The following JAM2 variants were observed in gnomAD, a reference collection of about 807,000 sequenced individuals.
The protein encoded by JAM2 is junctional adhesion molecule B.
In JAM2, 17 loss-of-function variants were observed where a neutral mutation model predicts 42.0. The ratio of observed to expected loss-of-function variants is 0.40; its 90% CI spans 0.28 to 0.61. JAM2 has a LOEUF of 0.61. Among genes scored for constraint, JAM2 ranks in the 20% least tolerant of loss-of-function variants. JAM2 has a pLI of 0.37. For missense variants in JAM2, 319 were observed against 358.3 expected, an observed-to-expected ratio of 0.89 and a Z score of 0.89; for synonymous variants, 118 against 128.6, an observed-to-expected ratio of 0.92 and a Z score of 0.56.
intron 6 of JAM2, among the ~76,000 whole-genome samples, chr21:25,704,988 G>T (rs1056238803): frequency 6.6e-6 from 1 of 152,202 alleles, no homozygotes; most frequent in African/African-American, 2.4e-5. Context: ...CTTCACAGTA[G>T]TTATTTCCAA....
In JAM2 at chr21:25,693,837, G is replaced by C; in HGVS notation, c.323G>C (p.Arg108Pro). The change falls in exon 4 of 10, where the codon CGT (arginine) becomes CCT (proline). Residue 108 changes from arginine (R) to proline (P), a missense_variant. Transcript: ENST00000480456. ...NVTRSDAGKY[R>P]CEVSAPSEQG... ...ACAAGAAGTGATGCGGGGAAATATC[G>C]TTGTGAAGTTAGTGCCCCATCTGAG... The C allele has an allele frequency of 6.2e-7, 1 of 1,614,042 alleles. No homozygotes were observed. The highest frequency in any genetic ancestry group is 1.7e-5 in the Admixed American group (1 of 60,024).
chr21:25,661,381 T>C (rs1196983659), intron 1 of JAM2, among the ~76,000 whole-genome samples: 1 of 152,104 alleles, frequency 6.6e-6, no homozygotes, highest in Non-Finnish European at 1.5e-5. Context: ...GAGGATCCCT[T>C]GAGCCCAGAG....
intron 1 of JAM2, among the ~76,000 whole-genome samples, chr21:25,641,303 C>G (rs1298712030): frequency 1.3e-5 from 2 of 151,826 alleles, no homozygotes; most frequent in Non-Finnish European, 2.9e-5. Context: ...AGAATTGTCA[C>G]TAATTAAAAA....
chr21:25,660,512 CA>C (rs1337865363), intron 1 of JAM2, among the ~76,000 whole-genome samples: 1 of 151,812 alleles, frequency 6.6e-6, no homozygotes, highest in African/African-American at 2.4e-5. Flanking sequence ...ATTTGCTGAG[CA>C]GGGACCAGGC....
chr21:25,649,326 T>TA (rs1680275475), intron 1 of JAM2, among the ~76,000 whole-genome samples: 2 of 152,304 alleles, frequency 1.3e-5, no homozygotes, highest in South Asian at 4.1e-4. Context: ...TCAGGAAACT[T>TA]ACAATCATGG....
At chr21:25,683,974 G>T (rs754858581) in intron 2 of JAM2, 26 bp downstream of exon 2, 7 of 1,449,380 alleles carry the variant, frequency 4.8e-6, no homozygotes, top group Non-Finnish European at 1.9e-6. Context: ...GATTTTCACA[G>T]GCTGTATTGT....
At chr21:25,693,457 C>T (rs1303861105) in intron 3 of JAM2, among the ~76,000 whole-genome samples, 1 of 152,068 alleles carries the variant, frequency 6.6e-6, no homozygotes, top group Non-Finnish European at 1.5e-5. Context: ...CAGGGTTTCA[C>T]CATGTTGGCC....
intron 5 of JAM2, among the ~76,000 whole-genome samples, chr21:25,699,635 A>G (rs1010530998): frequency 6.8e-6 from 1 of 146,398 alleles, no homozygotes; most frequent in Non-Finnish European, 1.5e-5. Context: ...AGGCAGGAGA[A>G]TGGCGTGAAC....
chr21:25,680,119 A>G (rs553029544), intron 1 of JAM2, among the ~76,000 whole-genome samples: 1 of 152,306 alleles, frequency 6.6e-6, no homozygotes, highest in African/African-American at 2.4e-5. Flanking sequence ...AGGGTCCATC[A>G]AGGTCCTTGT....
In JAM2 at chr21:25,706,046, C is replaced by G. The variant is rs377288623; in HGVS notation, c.765C>G (p.Gly255=). 3.1e-6 allele frequency: 5 copies of G among 1,613,656 alleles called. No homozygotes were observed. The highest frequency in any genetic ancestry group is 3.4e-6 in the Non-Finnish European group (4 of 1,179,624). The part of the protein sequence containing the change: ...VVVALVISVC[G]LGVCYAQRKG... ...TGGCCTTAGTGATTTCCGTTTGTGG[C>G]CTTGGTGTATGCTATGCTCAGAGGA... The change falls in exon 7 of 10, where the codon GGC becomes GGG. Residue 255 remains glycine (G), a synonymous_variant. Coordinates refer to ENST00000480456, the MANE Select transcript of JAM2 (RefSeq NM_021219.4).
intron 2 of JAM2, among the ~76,000 whole-genome samples, chr21:25,686,001 A>G (rs1313082549): frequency 2.6e-5 from 4 of 152,244 alleles, no homozygotes; most frequent in Non-Finnish European, 5.9e-5. Flanking sequence ...TTTTTAAAAA[A>G]TGTATCAAGG....
At chr21:25,659,407 C>G (rs1201767084) in intron 1 of JAM2, among the ~76,000 whole-genome samples, 2 of 152,126 alleles carry the variant, frequency 1.3e-5, no homozygotes, top group African/African-American at 4.8e-5. Context: ...GGACACAAGG[C>G]TGTGTTTTTC....
intron 1 of JAM2, among the ~76,000 whole-genome samples, chr21:25,661,603 T>G (rs914824513): frequency 6.6e-6 from 1 of 151,950 alleles, no homozygotes; most frequent in African/African-American, 2.4e-5. Context: ...TTTCCCAAAT[T>G]TTACATATAT....
At chr21:25,657,291 G>A (rs1370640045) in intron 1 of JAM2, among the ~76,000 whole-genome samples, 2 of 152,162 alleles carry the variant, frequency 1.3e-5, no homozygotes, top group Non-Finnish European at 2.9e-5. Flanking sequence ...TGGGATTACA[G>A]GCGTAAGCCA....
At chr21:25,646,101 T>C (rs1466761538) in intron 1 of JAM2, among the ~76,000 whole-genome samples, 2 of 152,230 alleles carry the variant, frequency 1.3e-5, no homozygotes, top group Non-Finnish European at 2.9e-5. Context: ...AATAAAGTTC[T>C]TGTGTTACAG....
intron 1 of JAM2, among the ~76,000 whole-genome samples, chr21:25,665,399 C>T (rs893861369): frequency 6.6e-6 from 1 of 152,182 alleles, no homozygotes; most frequent in Admixed American, 6.5e-5. Context: ...ACAATGCTCA[C>T]TAGTTTTAAG....
intron 4 of JAM2, among the ~76,000 whole-genome samples, chr21:25,695,457 C>A (rs1486005768): frequency 6.6e-6 from 1 of 152,354 alleles, no homozygotes; most frequent in Non-Finnish European, 1.5e-5. Context: ...AAACCGCCAT[C>A]GTCATCATGG....
Position 25,661,950 on chromosome 21 carries a change from C to T in JAM2, c.68-21933C>T, listed in dbSNP as rs77795404. Among the ~76,000 whole-genome samples, 1,244 of 151,844 alleles carry T rather than the reference C, an allele frequency of 8.2e-3. 10 individuals are homozygous for T. The highest frequency in any genetic ancestry group is 0.014 in the Non-Finnish European group (944 of 67,972). ...ATTGCAGAACATGCTGCAGAATAAC[C>T]GTGGATATGTATAGATGTGGGTGTG... is the stretch of plus-strand genomic sequence containing the variant. On this transcript the variant is annotated intron_variant, in intron 1 of 9. Transcript: ENST00000480456.
intron 1 of JAM2, among the ~76,000 whole-genome samples, chr21:25,676,921 T>C (rs907221765): frequency 1.8e-4 from 27 of 152,320 alleles, no homozygotes; most frequent in East Asian, 7.7e-4. Flanking sequence ...AGAAATCTTA[T>C]AAATTTTTTT....
Sources: allele counts gnomAD v4.1 joint callset (sites outside exome capture counted in the v4.1 genomes callset), GRCh38; gene constraint gnomAD v4.1.1; transcripts MANE v1.5; gene names NCBI Gene and HGNC (gene_info 2026-07-23, HGNC 2026-07-21).